MYRIP: variants seen among roughly 807,000 people sequenced by gnomAD.
MYRIP encodes the protein rab effector MyRIP.
MYRIP carries 49 observed loss-of-function variants against 98.0 expected under a neutral mutation model. The ratio of observed to expected loss-of-function variants is 0.50; its 90% CI spans 0.40 to 0.63. The LOEUF is 0.63. Ranked by LOEUF, MYRIP falls within the 30% of genes least tolerant of loss-of-function variation. MYRIP has a pLI of 0.00. For missense variants in MYRIP, 1,004 were observed against 1,058.2 expected, an observed-to-expected ratio of 0.95 and a Z score of 0.71; for synonymous variants, 404 against 409.5, an observed-to-expected ratio of 0.99 and a Z score of 0.16.
intron 9 of MYRIP, among the ~76,000 whole-genome samples, chr3:40,182,921 C>T (rs1950925403): frequency 6.6e-6 from 1 of 151,976 alleles, no homozygotes; most frequent in African/African-American, 2.4e-5. Flanking sequence ...CGGCTTAATA[C>T]AATCATTTTC....
chr3:39,882,073 C>T (rs1251168790), intron 1 of MYRIP, among the ~76,000 whole-genome samples: 1 of 151,982 alleles, frequency 6.6e-6, no homozygotes, highest in Non-Finnish European at 1.5e-5. Context: ...AATATTTAAT[C>T]TGATTTATGA....
intron 12 of MYRIP, among the ~76,000 whole-genome samples, chr3:40,234,563 G>GGA (rs1159682275): frequency 6.6e-6 from 1 of 152,180 alleles, no homozygotes; most frequent in Non-Finnish European, 1.5e-5. Flanking sequence ...GGCAGGGAGA[G>GGA]GAGTATAGAG....
At chr3:39,902,923 C>T (rs1030853904) in intron 2 of MYRIP, among the ~76,000 whole-genome samples, 2 of 152,216 alleles carry the variant, frequency 1.3e-5, no homozygotes, top group African/African-American at 4.8e-5. Flanking sequence ...CAGTAGCCTA[C>T]TGCAATTCTG....
intron 2 of MYRIP, among the ~76,000 whole-genome samples, chr3:39,957,139 A>G (rs967810129): frequency 1.3e-5 from 2 of 151,884 alleles, no homozygotes; most frequent in African/African-American, 4.9e-5. Context: ...AAACTATTCC[A>G]ATCAATAGAA....
intron 2 of MYRIP, among the ~76,000 whole-genome samples, chr3:40,031,705 GT>G (rs1172798024): frequency 6.6e-6 from 1 of 152,090 alleles, no homozygotes; most frequent in African/African-American, 2.4e-5. Context: ...CTTCTTCCTG[GT>G]TTAGTCTTGG....
intron 11 of MYRIP, among the ~76,000 whole-genome samples, chr3:40,218,618 A>T (rs1384097238): frequency 3.6e-3 from 32 of 8,856 alleles, no homozygotes; most frequent in Non-Finnish European, 7.1e-3. Context: ...TATTTTATAT[A>T]TATATATATA....
intron 3 of MYRIP, among the ~76,000 whole-genome samples, chr3:40,147,938 T>C (rs2125569864): frequency 1.3e-5 from 2 of 152,304 alleles, no homozygotes; most frequent in East Asian, 3.9e-4. Context: ...AGATCCTCTT[T>C]CTTGGATGGC....
intron 2 of MYRIP, among the ~76,000 whole-genome samples, chr3:39,997,538 A>G (rs1017352473): frequency 6.6e-6 from 1 of 152,230 alleles, no homozygotes; most frequent in Non-Finnish European, 1.5e-5. Flanking sequence ...TCAGGCAATA[A>G]TTAATAGCTT....
chr3:40,193,873 T>A (rs1951312882), intron 10 of MYRIP, among the ~76,000 whole-genome samples: 1 of 110,456 alleles, frequency 9.1e-6, no homozygotes, highest in African/African-American at 3.3e-5. Context: ...AGCCTTGATA[T>A]GCAATTTACA....
chr3:39,963,393 TCATC>T (rs1411814814), intron 2 of MYRIP, among the ~76,000 whole-genome samples: 1 of 152,180 alleles, frequency 6.6e-6, no homozygotes, highest in Non-Finnish European at 1.5e-5. Context: ...CTCTTTTTTC[TCATC>T]CATCCATCCA....
chr3:39,871,162 G>C (rs566482698), intron 1 of MYRIP, among the ~76,000 whole-genome samples: 1 of 152,272 alleles, frequency 6.6e-6, no homozygotes, highest in East Asian at 1.9e-4. Flanking sequence ...ATACCTTTGG[G>C]AGAGGCAGAT....
chr3:40,235,355 G>GA (rs1952797991), intron 12 of MYRIP, among the ~76,000 whole-genome samples: 2 of 151,966 alleles, frequency 1.3e-5, no homozygotes, highest in African/African-American at 2.4e-5. Flanking sequence ...CATAATGCTT[G>GA]AAAAAAAGTA....
At chr3:40,008,155 A>G (rs747639584) in intron 2 of MYRIP, among the ~76,000 whole-genome samples, 66 of 152,330 alleles carry the variant, frequency 4.3e-4, no homozygotes, top group Non-Finnish European at 7.9e-4. Flanking sequence ...CTTGACTCCC[A>G]TGGTTTTGTC....
At chr3:39,905,266 C>T (rs1469034283) in intron 2 of MYRIP, among the ~76,000 whole-genome samples, 1 of 152,136 alleles carries the variant, frequency 6.6e-6, no homozygotes, top group Non-Finnish European at 1.5e-5. Flanking sequence ...TCCTCTGCTC[C>T]ATATTTAGTT....
chr3:39,963,715 C>A (rs1246926680), intron 2 of MYRIP, among the ~76,000 whole-genome samples: 1 of 152,066 alleles, frequency 6.6e-6, no homozygotes, highest in Non-Finnish European at 1.5e-5. Flanking sequence ...TTATGTATAT[C>A]TGAACATGTG....
intron 1 of MYRIP, among the ~76,000 whole-genome samples, chr3:39,872,690 G>A (rs1942841104): frequency 1.3e-5 from 2 of 152,006 alleles, no homozygotes; most frequent in South Asian, 4.2e-4. Flanking sequence ...TGGCTGCATA[G>A]TATTCCATGG....
At chr3:40,110,690 C>T (rs1300503177) in intron 3 of MYRIP, among the ~76,000 whole-genome samples, 1 of 152,138 alleles carries the variant, frequency 6.6e-6, no homozygotes, top group Non-Finnish European at 1.5e-5. Flanking sequence ...TTTTCACAGG[C>T]CCACATACAT....
intron 2 of MYRIP, among the ~76,000 whole-genome samples, chr3:40,001,535 C>T (rs1001961362): frequency 6.6e-6 from 1 of 152,206 alleles, no homozygotes; most frequent in Non-Finnish European, 1.5e-5. Flanking sequence ...TCATTCAAGT[C>T]TTTCACCTTT....
chr3:40,219,363 T>C (rs1442153601), intron 11 of MYRIP, among the ~76,000 whole-genome samples: 1 of 152,208 alleles, frequency 6.6e-6, no homozygotes, highest in East Asian at 1.9e-4. Context: ...AGTTTAAGTT[T>C]TAGGGTACAT....
Sources: gnomAD v4.1 joint callset for allele counts (sites outside exome capture counted in the v4.1 genomes callset) on GRCh38, gnomAD v4.1.1 for gene constraint, MANE v1.5 for transcripts, NCBI Gene and HGNC (gene_info 2026-07-23, HGNC 2026-07-21) for gene names.